Variants in HIVEP2 observed in about 807,000 individuals in gnomAD.
The protein encoded by HIVEP2 is transcription factor HIVEP2.
Under a neutral mutation model 180.7 loss-of-function variants are expected in HIVEP2, and 14 were observed. The observed-to-expected ratio is 0.08, with a 90% confidence interval of 0.05 to 0.12. The LOEUF (loss-of-function observed/expected upper bound fraction) is 0.12, where lower values mean the gene tolerates loss of function less well. Ranked by LOEUF, HIVEP2 falls within the 10% of genes least tolerant of loss-of-function variation. The probability of loss-of-function intolerance (pLI) is 1.00; values close to 1 mark genes in which losing one functional copy is unlikely to be tolerated. For synonymous variants in HIVEP2, 1,184 were observed against 1,136.4 expected, an observed-to-expected ratio of 1.04 and a Z score of -0.84; for missense variants, 2,579 against 3,008.5, an observed-to-expected ratio of 0.86 and a Z score of 3.34.
intron 4 of HIVEP2, among the ~76,000 whole-genome samples, chr6:142,775,918 T>C (rs1228316656): frequency 1.3e-5 from 2 of 151,224 alleles, no homozygotes; most frequent in Admixed American, 1.3e-4. Flanking sequence ...ATATGATACA[T>C]GTTTTATAAA....
In HIVEP2 at chr6:142,834,781, G is replaced by C. The variant is rs144359055; in HGVS notation, c.-528+2154C>G. Among the ~76,000 whole-genome samples the C allele has an allele frequency of 2.8e-3, 421 of 152,110 alleles. 2 individuals carry two copies. The highest frequency in any genetic ancestry group is 8.2e-3 in the African/African-American group (342 of 41,502). On this transcript the variant is annotated intron_variant, in intron 2 of 9. Transcript: ENST00000367603. The stretch of plus-strand genomic sequence containing the variant: ...TGTTTTCTATTTACTACCAATTTGT[G>C]GTGGGAGGAGTTGGGCACATTTTTA...
chr6:142,917,213 A>G (rs922748905), intron 1 of HIVEP2, among the ~76,000 whole-genome samples: 22 of 152,238 alleles, frequency 1.4e-4, no homozygotes, highest in African/African-American at 4.1e-4. Flanking sequence ...TATGTGATGT[A>G]CTGTTGGTTT....
intron 1 of HIVEP2, among the ~76,000 whole-genome samples, chr6:142,934,107 A>G (rs1777998885): frequency 6.6e-6 from 1 of 152,236 alleles, no homozygotes; most frequent in Non-Finnish European, 1.5e-5. Flanking sequence ...ATATCAGTCA[A>G]TTATCTCAAC....
chr6:142,863,805 G>A (rs1291567476), intron 1 of HIVEP2, among the ~76,000 whole-genome samples: 1 of 152,288 alleles, frequency 6.6e-6, no homozygotes, highest in Admixed American at 6.5e-5. Context: ...CAAGGAGTAA[G>A]ACACACTTCT....
intron 2 of HIVEP2, among the ~76,000 whole-genome samples, chr6:142,784,166 T>A (rs1204024771): frequency 6.6e-6 from 1 of 152,216 alleles, no homozygotes; most frequent in Non-Finnish European, 1.5e-5. Context: ...TATTCAAGTA[T>A]GATCCAAAGA....
chr6:142,911,234 C>T (rs79922549), intron 1 of HIVEP2, among the ~76,000 whole-genome samples: 1,806 of 151,036 alleles, frequency 0.012, 11 homozygotes, highest in Non-Finnish European at 0.019. Context: ...AGGGGCAGAG[C>T]CTAGGACTGA....
At chr6:142,944,359 C>T (rs1778250158) in intron 1 of HIVEP2, among the ~76,000 whole-genome samples, 1 of 84,540 alleles carries the variant, frequency 1.2e-5, no homozygotes, top group Non-Finnish European at 2.6e-5. Context: ...GATCTGGAGT[C>T]CACCCCCCCC....
chr6:142,841,089 G>T (rs2114893334), intron 1 of HIVEP2, among the ~76,000 whole-genome samples: 1 of 151,824 alleles, frequency 6.6e-6, no homozygotes. Context: ...TTCTTCTTAT[G>T]AACTTAAATG....
intron 1 of HIVEP2, among the ~76,000 whole-genome samples, chr6:142,889,403 A>T (rs1270969055): frequency 6.6e-6 from 1 of 152,114 alleles, no homozygotes; most frequent in Non-Finnish European, 1.5e-5. Context: ...GATTATAGTG[A>T]GCTGTGATGA....
intron 2 of HIVEP2, among the ~76,000 whole-genome samples, chr6:142,834,156 G>T (rs1431167822): frequency 6.6e-6 from 1 of 152,018 alleles, no homozygotes; most frequent in Non-Finnish European, 1.5e-5. Flanking sequence ...AATTAAAAGG[G>T]TTTTCTTCCT....
intron 1 of HIVEP2, among the ~76,000 whole-genome samples, chr6:142,934,946 C>G (rs1229428854): frequency 6.6e-6 from 1 of 152,206 alleles, no homozygotes; most frequent in Non-Finnish European, 1.5e-5. Flanking sequence ...TCAAACTCCA[C>G]AATCATGAGC....
At chr6:142,782,369 T>C (rs1310877972) in intron 3 of HIVEP2, among the ~76,000 whole-genome samples, 2 of 152,158 alleles carry the variant, frequency 1.3e-5, no homozygotes, top group African/African-American at 4.8e-5. Flanking sequence ...ACGAGTCACT[T>C]AGACACTCAT....
chr6:142,793,098 T>TC (rs992521879), intron 2 of HIVEP2, among the ~76,000 whole-genome samples: 13 of 152,140 alleles, frequency 8.5e-5, no homozygotes, highest in Admixed American at 8.5e-4. Flanking sequence ...AAGAGTATTT[T>TC]CCAAACTTTT....
chr6:142,920,462 C>CTCT (rs1371623302), intron 1 of HIVEP2, among the ~76,000 whole-genome samples: 14 of 152,126 alleles, frequency 9.2e-5, no homozygotes, highest in Non-Finnish European at 1.9e-4. Context: ...CAACCAAGAC[C>CTCT]CCATGATTCT....
At chr6:142,779,286 A>G (rs1460630843) in intron 3 of HIVEP2, among the ~76,000 whole-genome samples, 3 of 152,136 alleles carry the variant, frequency 2.0e-5, no homozygotes, top group Admixed American at 1.3e-4. Flanking sequence ...ATCATTTTCT[A>G]TCTTTTGGTT....
chr6:142,793,008 G>A (rs1776177682), intron 2 of HIVEP2, among the ~76,000 whole-genome samples: 1 of 152,070 alleles, frequency 6.6e-6, no homozygotes, highest in South Asian at 2.1e-4. Flanking sequence ...CTTGATGAGT[G>A]GGGAACAGTC....
chr6:142,824,413 C>A (rs1774809515), intron 2 of HIVEP2, among the ~76,000 whole-genome samples: 1 of 152,132 alleles, frequency 6.6e-6, no homozygotes, highest in African/African-American at 2.4e-5. Flanking sequence ...CAGATGAAAT[C>A]CCTGCAACTT....
chr6:142,922,082 G>T (rs962165296), intron 1 of HIVEP2, among the ~76,000 whole-genome samples: 4 of 149,276 alleles, frequency 2.7e-5, no homozygotes, highest in Non-Finnish European at 4.5e-5. Context: ...CTCAGGATCT[G>T]GCCTCATCTT....
intron 1 of HIVEP2, among the ~76,000 whole-genome samples, chr6:142,920,001 T>C (rs1477400054): frequency 6.6e-6 from 1 of 152,246 alleles, no homozygotes; most frequent in African/African-American, 2.4e-5. Flanking sequence ...AGTATATTTT[T>C]ATGTCATTAG....
Sources: allele counts gnomAD v4.1 joint callset (sites outside exome capture counted in the v4.1 genomes callset), GRCh38; gene constraint gnomAD v4.1.1; transcripts MANE v1.5; gene names NCBI Gene and HGNC (gene_info 2026-07-23, HGNC 2026-07-21).